The following KCNAB2 variants were observed in gnomAD, a reference collection of about 807,000 sequenced individuals.
The protein encoded by KCNAB2 is voltage-gated potassium channel subunit beta-2.
In KCNAB2, 29 loss-of-function variants were observed where a neutral mutation model predicts 63.6. The ratio of observed to expected loss-of-function variants is 0.46; its 90% CI spans 0.34 to 0.62. The LOEUF (loss-of-function observed/expected upper bound fraction) is 0.62, where lower values mean the gene tolerates loss of function less well. Among genes scored for constraint, KCNAB2 ranks in the 20% least tolerant of loss-of-function variants. The pLI is 0.01. For missense variants in KCNAB2, 359 were observed against 563.9 expected, an observed-to-expected ratio of 0.64 and a Z score of 3.68; for synonymous variants, 222 against 224.2, an observed-to-expected ratio of 0.99 and a Z score of 0.09.
chr1:6,044,722 A>G (rs2100487681), upstream of KCNAB2, among the ~76,000 whole-genome samples: 1 of 152,266 alleles, frequency 6.6e-6, no homozygotes, highest in Middle Eastern at 3.4e-3. Flanking sequence ...AGGGAGTAAG[A>G]CAGGGAAGAG....
At chr1:6,023,478 T>C (rs889688563) in intron 1 of KCNAB2, among the ~76,000 whole-genome samples, 8 of 152,256 alleles carry the variant, frequency 5.3e-5, no homozygotes, top group Non-Finnish European at 2.9e-5. Flanking sequence ...GGCTTTTTTA[T>C]AGCGGCCATC....
chr1:6,038,615 G>A (rs1660243269), intron 1 of KCNAB2, among the ~76,000 whole-genome samples: 1 of 152,090 alleles, frequency 6.6e-6, no homozygotes, highest in African/African-American at 2.4e-5. Context: ...TTACCAGCAG[G>A]TCTACACATG....
intron 1 of KCNAB2, chr1:6,018,545 T>A (rs1429627705): frequency 6.6e-6 from 1 of 152,198 alleles, no homozygotes; most frequent in East Asian, 1.9e-4. Flanking sequence ...CTGGGATCGC[T>A]CAAGCGATCC....
Position 6,085,335 on chromosome 1 carries a change from G to A in KCNAB2, c.425+87G>A, listed in dbSNP as rs1243974540. On this transcript the variant is annotated intron_variant, in intron 6 of 15. Coordinates refer to ENST00000378083, the MANE Select transcript of KCNAB2 (RefSeq NM_001199862.2). ...CAGCCTCGTCGGCCTGTCGTGCAGT[G>A]TCGTAAGGCCCGCAAGTCCCCACAT... 9 of 1,178,066 alleles carry A rather than the reference G, an allele frequency of 7.6e-6. No homozygotes were observed. The Admixed American group carries it at 1.1e-4, about 14-fold the overall frequency. The allele number at this position is 1,178,066 out of a possible 1,614,324, so 73.0% of individuals were successfully genotyped here.
upstream of KCNAB2, chr1:6,041,224 A>T (rs1660472850): frequency 6.4e-6 from 1 of 156,918 alleles, no homozygotes; most frequent in African/African-American, 2.4e-5. Flanking sequence ...ACAGCTGCGG[A>T]GGGCGTTCAG....
At chr1:6,098,174 G>T in intron 15 of KCNAB2, 1 of 1,103,228 alleles carries the variant, frequency 9.1e-7, no homozygotes, top group Non-Finnish European at 1.1e-6. Context: ...AAGCAGTCAC[G>T]GACATGGAAG....
chr1:6,085,265 C>T lies in KCNAB2; in HGVS notation c.425+17C>T. 2 of 1,612,494 alleles carry T rather than the reference C, an allele frequency of 1.2e-6. No individual in the cohort carries two copies. Among genetic ancestry groups the T allele is most frequent in the Non-Finnish European group, 8.5e-7 (1 of 1,178,546 alleles). On this transcript the variant is annotated intron_variant, in intron 6 of 15. Coordinates refer to ENST00000378083, the MANE Select transcript of KCNAB2 (RefSeq NM_001199862.2). ...AGGATGGAGGTAACGGCCCTGCTCT[C>T]TGCGGCCTGTCCCTGGGGTGGGTGC...
intron 1 of KCNAB2, among the ~76,000 whole-genome samples, chr1:5,997,930 C>CA (rs1389084046): frequency 1.3e-5 from 2 of 152,380 alleles, no homozygotes; most frequent in Admixed American, 6.5e-5. Context: ...GAGCAAGACC[C>CA]ACCTCCCTCC....
At chr1:6,050,979 A>G (rs1661335495) in intron 1 of KCNAB2, among the ~76,000 whole-genome samples, 1 of 152,268 alleles carries the variant, frequency 6.6e-6, no homozygotes, top group Admixed American at 6.5e-5. Context: ...GCCACCTGGC[A>G]TGCGGGGGTG....
At chr1:6,044,384 C>T (rs143923013), upstream of KCNAB2, among the ~76,000 whole-genome samples, 37 of 152,276 alleles carry the variant, frequency 2.4e-4, no homozygotes, top group African/African-American at 7.9e-4. Context: ...GAAGACTTCA[C>T]GGAGAAGGCA....
At position 6,024,199 on chromosome 1, in the gene KCNAB2, C is replaced by A. The variant is rs1044828616; in HGVS notation, c.-52-16318C>A. ...TCAGGTGATCCACCCATCTCGGCCT[C>A]CCAAAGTTCTGGGATTACAGGCGTG... On this transcript the variant is annotated intron_variant, in intron 1 of 16. Coordinates refer to the KCNAB2 transcript ENST00000341524. The surrounding 1 kb of genome is among the most constrained non-coding windows in gnomAD (Gnocchi z 5.4). Among the ~76,000 whole-genome samples the A allele has an allele frequency of 6.6e-6, 1 of 152,164 alleles. No individual in the cohort carries two copies. Among genetic ancestry groups the A allele is most frequent in the African/African-American group, 2.4e-5 (1 of 41,444 alleles).
chr1:6,097,767 G>A (rs1280064201), intron 15 of KCNAB2: 2 of 421,602 alleles, frequency 4.7e-6, no homozygotes, highest in African/African-American at 4.0e-5. Context: ...AGCAGGAAGA[G>A]TTGATGCAAA....
At position 6,083,193 on chromosome 1, in the gene KCNAB2, A is replaced by C. The variant is rs146158785; in HGVS notation, c.380+919A>C. ...CATACTGGCAGCAGCTTCCCATCAAAGTGAACTGCTTTCCAGACAGATGAG... is the reference window on the plus strand; with the variant it reads ...CATACTGGCAGCAGCTTCCCATCAACGTGAACTGCTTTCCAGACAGATGAG... On this transcript the variant is annotated intron_variant, in intron 5 of 15. Transcript: ENST00000378083. Among the ~76,000 whole-genome samples, 329 of 152,258 alleles carry C rather than the reference A, an allele frequency of 2.2e-3. 2 individuals are homozygous for C. Among genetic ancestry groups the C allele is most frequent in the African/African-American group, 7.5e-3 (312 of 41,546 alleles).
chr1:6,019,201 C>T lies in KCNAB2; in HGVS notation c.-52-21316C>T, dbSNP rs550722168. 6.6e-5 allele frequency among the ~76,000 whole-genome samples: 10 copies of T among 152,136 alleles called. No individual in the cohort carries two copies. In the East Asian group the frequency reaches 9.7e-4, roughly 15 times the overall value. Reference sequence around the variant, plus strand: ...CAGCTACTTGGGAGGCTGAGGCAGACGGATCACTTGAGCCCAGGAGTTCAA... The same window carrying T: ...CAGCTACTTGGGAGGCTGAGGCAGATGGATCACTTGAGCCCAGGAGTTCAA... On this transcript the variant is annotated intron_variant, in intron 1 of 16. Coordinates refer to the KCNAB2 transcript ENST00000341524.
chr1:6,099,855 T>C lies in KCNAB2; in HGVS notation c.*1281T>C. 6.5e-7 allele frequency: 1 copy of C among 1,547,554 alleles called. No individual in the cohort carries two copies. The highest frequency in any genetic ancestry group is 8.7e-7 in the Non-Finnish European group (1 of 1,145,534). On this transcript the variant is annotated 3_prime_UTR_variant, in exon 16 of 16. Transcript: ENST00000378083. ...GGAGAGAGGGCAGGACAGGCCAGAG[T>C]GACGCCCCCGTGCAGCTTGGGCCGG...
chr1:6,080,492 C>A (rs1032201939), intron 4 of KCNAB2, among the ~76,000 whole-genome samples: 1 of 152,190 alleles, frequency 6.6e-6, no homozygotes, highest in African/African-American at 2.4e-5. Flanking sequence ...AACAGAGCCC[C>A]GGCAGGTGGA....
At chr1:6,018,136 G>A (rs1280779581) in intron 1 of KCNAB2, among the ~76,000 whole-genome samples, 2 of 151,968 alleles carry the variant, frequency 1.3e-5, no homozygotes, top group Non-Finnish European at 2.9e-5. Flanking sequence ...GTCTCACTGT[G>A]TTGCCCAGGC....
At chr1:6,052,859 C>A (rs1661508799) in intron 2 of KCNAB2, among the ~76,000 whole-genome samples, 1 of 151,956 alleles carries the variant, frequency 6.6e-6, no homozygotes, top group African/African-American at 2.4e-5. Flanking sequence ...CTAAAAAGTT[C>A]CTCATTGTTT....
intron 7 of KCNAB2, among the ~76,000 whole-genome samples, chr1:6,088,090 C>T (rs1386681315): frequency 6.6e-6 from 1 of 151,890 alleles, no homozygotes; most frequent in Non-Finnish European, 1.5e-5. Context: ...GACAGGGTCT[C>T]GCTTTGTAAT....
Sources: allele counts gnomAD v4.1 joint callset (sites outside exome capture counted in the v4.1 genomes callset), GRCh38; gene constraint gnomAD v4.1.1; non-coding constraint Gnocchi (gnomAD v3.1); transcripts MANE v1.5; gene names NCBI Gene and HGNC (gene_info 2026-07-23, HGNC 2026-07-21).